Variants in PPFIA1 observed in about 807,000 individuals in gnomAD.
The protein encoded by PPFIA1 is PPFI scaffold protein A1, also known as liprin-alpha-1.
A neutral mutation model predicts 149.9 loss-of-function variants in PPFIA1; 25 were observed. The observed-to-expected ratio is 0.17, with a 90% CI of 0.12 to 0.23. PPFIA1 has a LOEUF of 0.23. Ranked by LOEUF, PPFIA1 falls within the 10% of genes least tolerant of loss-of-function variation. The probability of loss-of-function intolerance (pLI) is 1.00; values close to 1 mark genes in which losing one functional copy is unlikely to be tolerated. For synonymous variants in PPFIA1, 549 were observed against 552.8 expected (o/e 0.99, Z 0.10); for missense variants, 1,362 against 1,506.5 (o/e 0.90, Z 1.59).
At chr11:70,356,002 CT>C (rs1434697082) in intron 18 of PPFIA1, among the ~76,000 whole-genome samples, 158 bp from the exon 19 acceptor site, 1 of 152,186 alleles carries the variant, frequency 6.6e-6, no homozygotes, top group Non-Finnish European at 1.5e-5. Flanking sequence ...CATTTCCTGT[CT>C]TGAGCATTTC....
chr11:70,326,585 TCCCCC>T lies in PPFIA1; in HGVS notation c.709-11_709-7del. 1.3e-6 allele frequency: 2 copies of T among 1,584,642 alleles called. No individual in the cohort carries two copies. The highest frequency in any genetic ancestry group is 3.6e-5 in the Admixed American group (2 of 55,338). On this transcript the variant is annotated splice_polypyrimidine_tract_variant and splice_region_variant and intron_variant, in intron 6 of 27. Transcript: ENST00000253925. ...ACAAGGGTATTTAAGGATTTTTTTT[TCCCCC>T]TATCAGAGATCTTCTGATGGTTCTT...
chr11:70,337,278 CCTT>C (rs777063581), intron 11 of PPFIA1, 84 bp from the exon 12 acceptor site: 25 of 907,450 alleles, frequency 2.8e-5, no homozygotes, highest in Admixed American at 6.4e-5. Flanking sequence ...TTTGTGTGGT[CCTT>C]TTTTTTTTTA....
At chr11:70,327,936 A>T (rs1039500331) in intron 7 of PPFIA1, among the ~76,000 whole-genome samples, 2 of 152,214 alleles carry the variant, frequency 1.3e-5, no homozygotes, top group Admixed American at 1.3e-4. Context: ...GAGTAATTTC[A>T]TGTAGGAATT....
Position 70,355,759 on chromosome 11 carries a change from C to G in PPFIA1, c.2436C>G (p.Gly812=). Residue 812 remains glycine, a synonymous_variant, in exon 18 of 28, where the codon GGC becomes GGG. Coordinates refer to ENST00000253925, the MANE Select transcript of PPFIA1 (RefSeq NM_003626.5). ...GIKSSIGRLF[G]KKEKGRPGQT... Reference sequence around the variant, plus strand: ...AGTCCTCCATTGGCCGCTTGTTTGGCAAGAAAGAAAAGGGCCGACCTGGAC... The same window carrying G: ...AGTCCTCCATTGGCCGCTTGTTTGGGAAGAAAGAAAAGGGCCGACCTGGAC... 1 of 1,613,952 alleles carries G rather than the reference C, an allele frequency of 6.2e-7. No homozygotes were observed. Among genetic ancestry groups the G allele is most frequent in the Middle Eastern group, 1.7e-4 (1 of 6,022 alleles).
chr11:70,271,111 G>A (rs1191224915), intron 1 of PPFIA1, 197 bp downstream of exon 1: 2 of 151,926 alleles, frequency 1.3e-5, no homozygotes, highest in Non-Finnish European at 2.9e-5. Context: ...GACGGCTCCG[G>A]GGACTGCGCG....
At chr11:70,370,016 A>G (rs2057150419) in intron 21 of PPFIA1, among the ~76,000 whole-genome samples, 1 of 150,382 alleles carries the variant, frequency 6.6e-6, no homozygotes, top group Non-Finnish European at 1.5e-5. Flanking sequence ...GCAGTGGCTC[A>G]ATCTCAGCTC....
At chr11:70,355,093 T>C (rs965720940) in intron 17 of PPFIA1, among the ~76,000 whole-genome samples, 4 of 152,034 alleles carry the variant, frequency 2.6e-5, no homozygotes, top group African/African-American at 9.7e-5. Flanking sequence ...TTAGTAAAGA[T>C]GGGGTTTCAC....
At chr11:70,288,260 T>C (rs1288344224) in intron 2 of PPFIA1, among the ~76,000 whole-genome samples, 1 of 151,968 alleles carries the variant, frequency 6.6e-6, no homozygotes, top group Non-Finnish European at 1.5e-5. Flanking sequence ...TTAGTAGAGA[T>C]GGGGTTTCAC....
intron 23 of PPFIA1, among the ~76,000 whole-genome samples, chr11:70,373,116 G>A (rs1488718343): frequency 6.6e-6 from 1 of 152,234 alleles, no homozygotes; most frequent in Non-Finnish European, 1.5e-5. Flanking sequence ...AGGCCAGGGA[G>A]GCGTTAGAGG....
At chr11:70,320,753 G>A (rs2053889832) in intron 2 of PPFIA1, among the ~76,000 whole-genome samples, 2 of 152,098 alleles carry the variant, frequency 1.3e-5, no homozygotes, top group Admixed American at 1.3e-4. Context: ...GGTTTTTGGA[G>A]CTGGAGTTAG....
chr11:70,337,985 A>G (rs2137037879), intron 12 of PPFIA1, among the ~76,000 whole-genome samples: 1 of 152,340 alleles, frequency 6.6e-6, no homozygotes, highest in South Asian at 2.1e-4. Context: ...CCCATGACAC[A>G]GGGATGGGTG....
chr11:70,320,310 A>T (rs779749211), intron 2 of PPFIA1: 2 of 152,216 alleles, frequency 1.3e-5, no homozygotes, highest in African/African-American at 2.4e-5. Flanking sequence ...GCCTGAATTG[A>T]CTGGATTTCA....
At chr11:70,332,943 T>G in intron 9 of PPFIA1, 1 of 438,252 alleles carries the variant, frequency 2.3e-6, no homozygotes. Flanking sequence ...GAACCTATCC[T>G]CCCACTCCAT....
chr11:70,380,944 G>A (rs915032870), intron 26 of PPFIA1: 4 of 151,870 alleles, frequency 2.6e-5, no homozygotes, highest in African/African-American at 4.8e-5. Flanking sequence ...TGGGACCACA[G>A]GTGTGGTCCC....
At chr11:70,297,388 G>A (rs1286714762) in intron 2 of PPFIA1, among the ~76,000 whole-genome samples, 1 of 151,864 alleles carries the variant, frequency 6.6e-6, no homozygotes, top group Non-Finnish European at 1.5e-5. Flanking sequence ...CAGCCTGGGT[G>A]ACAGCAAGAC....
In PPFIA1 at chr11:70,337,807, A is replaced by G. The variant is rs371614563; in HGVS notation, c.1491+380A>G. 2.8e-3 allele frequency among the ~76,000 whole-genome samples: 419 copies of G among 152,324 alleles called. 3 individuals carry two copies. Among genetic ancestry groups the G allele is most frequent in the African/African-American group, 9.5e-3 (397 of 41,586 alleles). On this transcript the variant is annotated intron_variant, in intron 12 of 27. Coordinates refer to ENST00000253925, the MANE Select transcript of PPFIA1 (RefSeq NM_003626.5). ...TTTAATTCAGTATATGCAAAATGTT[A>G]TTATTTCATAATGTATTAATAGAAA...
intron 16 of PPFIA1, among the ~76,000 whole-genome samples, chr11:70,349,518 G>A (rs538057884): frequency 6.6e-6 from 1 of 152,096 alleles, no homozygotes; most frequent in Admixed American, 6.5e-5. Flanking sequence ...TCAGTGTGTT[G>A]TCAATGAAAT....
intron 2 of PPFIA1, among the ~76,000 whole-genome samples, chr11:70,283,804 C>T (rs149288909): frequency 7.8e-4 from 119 of 152,006 alleles, no homozygotes; most frequent in Non-Finnish European, 1.5e-3. Flanking sequence ...AAAGAGGAGA[C>T]GCTGGTGTTT....
intron 2 of PPFIA1, among the ~76,000 whole-genome samples, chr11:70,276,053 C>A (rs1228014662): frequency 5.9e-5 from 9 of 152,140 alleles, no homozygotes; most frequent in African/African-American, 2.2e-4. Flanking sequence ...CATGGATTTT[C>A]TGCATCTTTT....
Sources: gnomAD v4.1 joint callset for allele counts (sites outside exome capture counted in the v4.1 genomes callset) on GRCh38, gnomAD v4.1.1 for gene constraint, MANE v1.5 for transcripts, NCBI Gene and HGNC (gene_info 2026-07-23, HGNC 2026-07-21) for gene names.